The following ASAP1 variants were observed in gnomAD, a reference collection of about 807,000 sequenced individuals.
ASAP1 encodes arf-GAP with SH3 domain, ANK repeat and PH domain-containing protein 1.
Under a neutral mutation model 145.2 loss-of-function variants are expected in ASAP1, and 43 were observed. That is an observed-to-expected ratio of 0.30 (90% confidence interval 0.23 to 0.38). ASAP1 has a LOEUF of 0.38. Ranked by LOEUF, ASAP1 falls within the 10% of genes least tolerant of loss-of-function variation. The pLI is 1.00. For missense variants in ASAP1, 1,018 were observed against 1,355.3 expected, an observed-to-expected ratio of 0.75 and a Z score of 3.91; for synonymous variants, 546 against 515.5, an observed-to-expected ratio of 1.06 and a Z score of -0.80.
chr8:130,372,929 C>A (rs1827279712), intron 2 of ASAP1, among the ~76,000 whole-genome samples: 1 of 151,896 alleles, frequency 6.6e-6, no homozygotes, highest in African/African-American at 2.4e-5. Context: ...CATACACAGA[C>A]ACACACGCAT....
intron 17 of ASAP1, among the ~76,000 whole-genome samples, chr8:130,124,565 A>C (rs2097571952): frequency 6.6e-6 from 1 of 152,234 alleles, no homozygotes; most frequent in South Asian, 2.1e-4. Context: ...ACAGAAAAGG[A>C]CACAGGATTA....
chr8:130,319,168 T>C (rs1823851381), intron 3 of ASAP1, among the ~76,000 whole-genome samples: 1 of 152,214 alleles, frequency 6.6e-6, no homozygotes, highest in Admixed American at 6.5e-5. Flanking sequence ...TGAAGAACAC[T>C]AAGATGGCAA....
At chr8:130,270,303 C>T (rs1820512426) in intron 3 of ASAP1, among the ~76,000 whole-genome samples, 1 of 152,244 alleles carries the variant, frequency 6.6e-6, no homozygotes, top group Admixed American at 6.5e-5. Flanking sequence ...AAAGATCACA[C>T]TAAATTCACT....
In ASAP1 at chr8:130,112,149, C is replaced by A. The variant is rs755270383; in HGVS notation, c.2346G>T (p.Ser782=). The A allele has an allele frequency of 1.2e-6, 2 of 1,613,964 alleles. No homozygotes were observed. The highest frequency in any genetic ancestry group is 1.7e-6 in the Non-Finnish European group (2 of 1,180,020). ...GAGCCTCCGTGGTTGGTGATGTGGGCGAGTCTGTGCTTGTGGAAACGAAGA... is the reference window on the plus strand; with the variant it reads ...GAGCCTCCGTGGTTGGTGATGTGGGAGAGTCTGTGCTTGTGGAAACGAAGA... The part of the protein sequence containing the change: ...NQIFVSTSTD[S]PTSPTTEAPP... Residue 782 remains serine, a synonymous_variant, in exon 24 of 30, where the codon TCG becomes TCT. Transcript: ENST00000518721.
intron 8 of ASAP1, among the ~76,000 whole-genome samples, chr8:130,179,688 A>G (rs1814212609): frequency 6.6e-6 from 1 of 152,194 alleles, no homozygotes; most frequent in African/African-American, 2.4e-5. Context: ...TTTTTTGCAG[A>G]AAGTACGCAG....
intron 4 of ASAP1, among the ~76,000 whole-genome samples, chr8:130,216,594 C>G (rs927815391): frequency 1.3e-5 from 2 of 152,126 alleles, no homozygotes; most frequent in African/African-American, 4.8e-5. Flanking sequence ...ATCTCTCTGA[C>G]CTCATCATGT....
intron 29 of ASAP1, among the ~76,000 whole-genome samples, chr8:130,056,718 T>A (rs2097405107): frequency 6.6e-6 from 1 of 152,210 alleles, no homozygotes; most frequent in Admixed American, 6.5e-5. Flanking sequence ...TGGGTATTCT[T>A]AGGTACTGCT....
intron 24 of ASAP1, among the ~76,000 whole-genome samples, chr8:130,108,933 G>A (rs939052998): frequency 2.0e-5 from 3 of 151,592 alleles, no homozygotes; most frequent in East Asian, 1.9e-4. Flanking sequence ...GCGCCACTAC[G>A]CCCGGCTCAT....
intron 2 of ASAP1, among the ~76,000 whole-genome samples, chr8:130,381,112 C>T (rs112341251): frequency 9.7e-4 from 147 of 152,222 alleles, no homozygotes; most frequent in African/African-American, 3.3e-3. Context: ...TCTTGAACTC[C>T]GGACCTCAAG....
rs1826531296 is a variant in ASAP1, at chr8:130,358,741, G to GCCCCCGCCCCGC, written c.60-610_60-599dup. Among the ~76,000 whole-genome samples, 1 of 102,178 alleles carries GCCCCCGCCCCGC rather than the reference G, an allele frequency of 9.8e-6. No individual in the cohort carries two copies. Among genetic ancestry groups the GCCCCCGCCCCGC allele is most frequent in the Non-Finnish European group, 2.0e-5 (1 of 49,636 alleles). The allele number at this position is 102,178 out of a possible 152,430, so 67.0% of individuals were successfully genotyped here. A position where few individuals can be genotyped will look rare whatever the true frequency, so the allele number is the denominator to read the frequency against. The stretch of plus-strand genomic sequence containing the variant: ...CCGCCCGCGCCCCGCCCCCGGCCCG[G>GCCCCCGCCCCGC]CCCCCGCCCCGCCCCGCCCCCGCTC... On this transcript the variant is annotated intron_variant, in intron 2 of 29. Transcript: ENST00000518721. The surrounding 1 kb of genome is among the most constrained non-coding windows in gnomAD (Gnocchi z 4.1).
At chr8:130,204,169 T>C (rs1816052872) in intron 5 of ASAP1, among the ~76,000 whole-genome samples, 1 of 152,124 alleles carries the variant, frequency 6.6e-6, no homozygotes, top group Non-Finnish European at 1.5e-5. Context: ...CAGACTCTCA[T>C]AGGAGACGGA....
chr8:130,084,885 G>T (rs568744576), intron 25 of ASAP1: 17 of 152,264 alleles, frequency 1.1e-4, no homozygotes, highest in African/African-American at 4.1e-4. Flanking sequence ...GAAGTCCCAG[G>T]CCTGAAATAT....
intron 2 of ASAP1, among the ~76,000 whole-genome samples, chr8:130,382,234 C>T (rs997573006): frequency 4.2e-5 from 6 of 142,650 alleles, no homozygotes; most frequent in Non-Finnish European, 7.5e-5. Context: ...TGCAGTGAGC[C>T]GAGATTGCGC....
chr8:130,408,524 G>A (rs551885480), intron 1 of ASAP1, among the ~76,000 whole-genome samples: 146 of 152,264 alleles, frequency 9.6e-4, no homozygotes, highest in African/African-American at 3.2e-3. Flanking sequence ...CTTCGGGCTA[G>A]GACTGAATTA....
chr8:130,322,186 CA>C (rs1352003157), intron 3 of ASAP1, among the ~76,000 whole-genome samples: 1 of 151,812 alleles, frequency 6.6e-6, no homozygotes, highest in Non-Finnish European at 1.5e-5. Flanking sequence ...AAACAACTTC[CA>C]AAAGAAGGCT....
chr8:130,068,807 T>C (rs1176593257), intron 27 of ASAP1, among the ~76,000 whole-genome samples: 1 of 152,212 alleles, frequency 6.6e-6, no homozygotes, highest in African/African-American at 2.4e-5. Context: ...TGGGACTGGC[T>C]TTATGATGAC....
intron 24 of ASAP1, among the ~76,000 whole-genome samples, chr8:130,111,190 T>C (rs369241849): frequency 4.7e-5 from 5 of 106,180 alleles, no homozygotes; most frequent in East Asian, 6.5e-4. Context: ...CTGGGCAACA[T>C]AGCAAGACCT....
At chr8:130,368,400 G>A (rs1474023708) in intron 2 of ASAP1, among the ~76,000 whole-genome samples, 1 of 152,180 alleles carries the variant, frequency 6.6e-6, no homozygotes, top group Non-Finnish European at 1.5e-5. Flanking sequence ...AGTTCAGACA[G>A]ACTTTTAGCA....
At chr8:130,064,733 G>C (rs2097426754) in intron 27 of ASAP1, among the ~76,000 whole-genome samples, 1 of 152,112 alleles carries the variant, frequency 6.6e-6, no homozygotes. Context: ...CCCCCAGAAT[G>C]TTCCCACCTT....
Sources: gnomAD v4.1 joint callset for allele counts (sites outside exome capture counted in the v4.1 genomes callset) on GRCh38, gnomAD v4.1.1 for gene constraint, Gnocchi (gnomAD v3.1) non-coding constraint, MANE v1.5 for transcripts, NCBI Gene and HGNC (gene_info 2026-07-23, HGNC 2026-07-21) for gene names.